The following TANC1 variants were observed in gnomAD, a reference collection of about 807,000 sequenced individuals.
TANC1 encodes the protein protein TANC1.
A neutral mutation model predicts 149.7 loss-of-function variants in TANC1; 77 were observed. The observed-to-expected ratio is 0.51, with a 90% CI of 0.43 to 0.62. The LOEUF (loss-of-function observed/expected upper bound fraction) is 0.62, where lower values mean the gene tolerates loss of function less well. Ranked by LOEUF, TANC1 falls within the 20% of genes least tolerant of loss-of-function variation. The probability of loss-of-function intolerance (pLI) is 0.00; values close to 1 mark genes in which losing one functional copy is unlikely to be tolerated. For synonymous variants in TANC1, 854 were observed against 925.0 expected, an observed-to-expected ratio of 0.92 and a Z score of 1.39; for missense variants, 1,985 against 2,321.8, an observed-to-expected ratio of 0.85 and a Z score of 2.98.
At chr2:158,985,444 T>C (rs2034885137) in intron 1 of TANC1, among the ~76,000 whole-genome samples, 1 of 152,212 alleles carries the variant, frequency 6.6e-6, no homozygotes, top group Non-Finnish European at 1.5e-5. Context: ...GCACCCAGAC[T>C]ACAAAATAGG....
rs1222700136 is a variant in TANC1, at chr2:159,216,415, C to G, written c.3245-1082C>G. Among the ~76,000 whole-genome samples the G allele has an allele frequency of 2.0e-5, 3 of 152,182 alleles. No individual in the cohort carries two copies. The South Asian group carries it at 6.2e-4, about 32-fold the overall frequency. On this transcript the variant is annotated intron_variant, in intron 19 of 26. Coordinates refer to ENST00000263635, the MANE Select transcript of TANC1 (RefSeq NM_033394.3). ...CATCTCCTTCCTCCCTCCAGAGGAA[C>G]AGCCATCCCTCGCCACTCAGCCTTT...
chr2:159,154,246 A>G (rs1200424857), intron 7 of TANC1, among the ~76,000 whole-genome samples: 1 of 152,168 alleles, frequency 6.6e-6, no homozygotes, highest in East Asian at 1.9e-4. Context: ...ATTTCAGACA[A>G]TGCTAAACCA....
chr2:159,199,877 G>A (rs1273585196), intron 19 of TANC1, among the ~76,000 whole-genome samples: 4 of 152,158 alleles, frequency 2.6e-5, no homozygotes. Context: ...TTATTAGATA[G>A]CTCACCCTAG....
chr2:159,040,341 T>C (rs1001976259), intron 2 of TANC1, among the ~76,000 whole-genome samples: 4 of 152,208 alleles, frequency 2.6e-5, no homozygotes, highest in African/African-American at 9.7e-5. Context: ...CTGGATAATA[T>C]CCTGAAGAGT....
At chr2:159,161,777 C>T (rs967702183) in intron 7 of TANC1, among the ~76,000 whole-genome samples, 1 of 152,174 alleles carries the variant, frequency 6.6e-6, no homozygotes, top group Non-Finnish European at 1.5e-5. Context: ...CTGGCAAATG[C>T]TGGGAATCAT....
chr2:159,050,193 G>T (rs1177484355), intron 2 of TANC1, among the ~76,000 whole-genome samples: 2 of 152,036 alleles, frequency 1.3e-5, no homozygotes, highest in African/African-American at 2.4e-5. Flanking sequence ...TTGCAGCCTC[G>T]AACACCTGGG....
intron 14 of TANC1, 104 bp from the exon 15 acceptor site, chr2:159,185,687 G>T: frequency 1.4e-6 from 1 of 722,958 alleles, no homozygotes; most frequent in Non-Finnish European, 2.3e-6. Context: ...TCTTTGTCAC[G>T]GGCATAAATC....
intron 7 of TANC1, among the ~76,000 whole-genome samples, chr2:159,153,101 A>G (rs546959560): frequency 1.3e-5 from 2 of 152,316 alleles, no homozygotes; most frequent in East Asian, 1.9e-4. Flanking sequence ...TAATCCAGCT[A>G]TCTACTAGGT....
chr2:159,142,934 G>T (rs1393476675), intron 5 of TANC1, among the ~76,000 whole-genome samples: 1 of 151,714 alleles, frequency 6.6e-6, no homozygotes, highest in Non-Finnish European at 1.5e-5. Context: ...ATGGTGGTGG[G>T]CACCTGTAAT....
At chr2:159,141,203 C>G (rs2051337487) in intron 5 of TANC1, among the ~76,000 whole-genome samples, 1 of 152,164 alleles carries the variant, frequency 6.6e-6, no homozygotes, top group African/African-American at 2.4e-5. Context: ...CTTGCTGGTT[C>G]ATAGACAGCC....
intron 5 of TANC1, 74 bp from the exon 6 acceptor site, chr2:159,149,068 A>G (rs1275461128): frequency 2.7e-6 from 4 of 1,483,260 alleles, no homozygotes; most frequent in Non-Finnish European, 3.6e-6. Flanking sequence ...AAGCAGCTGT[A>G]GTGTGAACTC....
chr2:159,225,341 A>AT, intron 23 of TANC1: 1 of 365,254 alleles, frequency 2.7e-6, no homozygotes, highest in Non-Finnish European at 5.2e-6. Context: ...CTGAGAACAC[A>AT]TGCCTGCACG....
chr2:159,220,032 A>G, intron 22 of TANC1, among the ~76,000 whole-genome samples, 165 bp downstream of exon 22: 1 of 140,264 alleles, frequency 7.1e-6, no homozygotes, highest in South Asian at 2.3e-4. Flanking sequence ...CTTGTCAGGG[A>G]TCTTTCATTT....
chr2:159,230,321 C>T lies in TANC1; in HGVS notation c.4895C>T (p.Ser1632Phe), dbSNP rs1248982255. ...SKTKTTERLLSHSSVAVDAAP... is the reference protein window; with the variant it reads ...SKTKTTERLLFHSSVAVDAAP... ...ACGAAAACCACAGAGAGGCTTCTGTCTCATTCCTCCGTGGCTGTGGACGCA... is the reference window on the plus strand; with the variant it reads ...ACGAAAACCACAGAGAGGCTTCTGTTTCATTCCTCCGTGGCTGTGGACGCA... The change falls in exon 27 of 27, where the codon TCT becomes TTT. Residue 1632 changes from serine (S) to phenylalanine (F), a missense_variant. Physicochemically the swap from Ser to Phe is radical, Grantham distance 155 (BLOSUM62 -2). Coordinates refer to ENST00000263635, the MANE Select transcript of TANC1 (RefSeq NM_033394.3). The surrounding 1 kb of genome is among the most constrained non-coding windows in gnomAD (Gnocchi z 4.4). 1 of 1,614,186 alleles carries T rather than the reference C, an allele frequency of 6.2e-7. No individual in the cohort carries two copies. Among genetic ancestry groups the T allele is most frequent in the African/African-American group, 1.3e-5 (1 of 75,052 alleles).
intron 7 of TANC1, among the ~76,000 whole-genome samples, chr2:159,152,842 A>G (rs2053000925): frequency 6.6e-6 from 1 of 152,162 alleles, no homozygotes; most frequent in Non-Finnish European, 1.5e-5. Context: ...TCTCATTGAG[A>G]TACAGTGCCA....
chr2:159,138,807 A>T (rs115032652), intron 5 of TANC1, among the ~76,000 whole-genome samples: 1 of 152,176 alleles, frequency 6.6e-6, no homozygotes. Context: ...GAAATTTCCC[A>T]TGGACTCGTG....
intron 7 of TANC1, among the ~76,000 whole-genome samples, chr2:159,160,959 A>C (rs1249755574): frequency 2.0e-5 from 3 of 150,952 alleles, no homozygotes; most frequent in African/African-American, 4.9e-5. Flanking sequence ...CCAGGACCTG[A>C]GTGTTACCCC....
At position 158,981,427 on chromosome 2, in the gene TANC1, A is replaced by T. The variant is rs182685843; in HGVS notation, c.-126+12645A>T. On this transcript the variant is annotated intron_variant, in intron 1 of 26. Coordinates refer to ENST00000263635, the MANE Select transcript of TANC1 (RefSeq NM_033394.3). ...CTGCAAGCTATGATTGAACCACTGC[A>T]CTCCAGCCTGGGTGACAGAGTGAGA... Among the ~76,000 whole-genome samples, 10 of 145,504 alleles carry T rather than the reference A, an allele frequency of 6.9e-5. No homozygotes were observed. The Admixed American group carries it at 7.0e-4, about 10-fold the overall frequency.
chr2:159,123,761 C>T (rs192738108), intron 4 of TANC1, among the ~76,000 whole-genome samples: 64 of 152,304 alleles, frequency 4.2e-4, no homozygotes, highest in African/African-American at 1.5e-3. Flanking sequence ...GTGCTAAACA[C>T]TGTAAAGAAG....
Sources: gnomAD v4.1 joint callset for allele counts (sites outside exome capture counted in the v4.1 genomes callset) on GRCh38, gnomAD v4.1.1 for gene constraint, Gnocchi (gnomAD v3.1) non-coding constraint, MANE v1.5 for transcripts, NCBI Gene and HGNC (gene_info 2026-07-23, HGNC 2026-07-21) for gene names.